The following CLVS1 variants were observed in gnomAD, a reference collection of about 807,000 sequenced individuals.
CLVS1 encodes the protein clavesin 1, also known as clavesin-1.
Under a neutral mutation model 33.1 loss-of-function variants are expected in CLVS1, and 10 were observed. The observed-to-expected ratio is 0.30, with a 90% confidence interval of 0.19 to 0.51. CLVS1 has a LOEUF of 0.51. Among genes scored for constraint, CLVS1 ranks in the 20% least tolerant of loss-of-function variants. The pLI is 0.97. For synonymous variants in CLVS1, 163 were observed against 166.1 expected (o/e 0.98, Z 0.14); for missense variants, 343 against 433.4 (o/e 0.79, Z 1.85).
At chr8:61,473,838 A>G (rs1390367973) in intron 5 of CLVS1, among the ~76,000 whole-genome samples, 1 of 152,222 alleles carries the variant, frequency 6.6e-6, no homozygotes. Context: ...TCCCAAGATA[A>G]GGAACTCTGG....
intron 1 of CLVS1, among the ~76,000 whole-genome samples, chr8:61,088,239 A>G (rs547733742): frequency 1.3e-5 from 2 of 152,336 alleles, no homozygotes; most frequent in African/African-American, 2.4e-5. Context: ...TTGTAATCCC[A>G]GTACTTTGGG....
At chr8:60,993,109 G>T in the CLVS1 span, among the ~76,000 whole-genome samples, 1 of 152,248 alleles carries the variant, frequency 6.6e-6, no homozygotes, top group Non-Finnish European at 1.5e-5. Context: ...AGTGGGGCTT[G>T]TTCTTGCTTT....
intron 2 of CLVS1, among the ~76,000 whole-genome samples, chr8:61,268,645 T>C (rs1809364138): frequency 7.6e-6 from 1 of 132,438 alleles, no homozygotes; most frequent in Admixed American, 7.8e-5. Context: ...AGTGTAAAAG[T>C]GTTCCTATTT....
the CLVS1 span, among the ~76,000 whole-genome samples, chr8:61,043,583 G>A: frequency 2.9e-4 from 44 of 152,340 alleles, 1 homozygote; most frequent in South Asian, 7.9e-3. Context: ...TCTGGCAAAT[G>A]CATTCTTTCC....
At chr8:61,006,688 G>T in the CLVS1 span, among the ~76,000 whole-genome samples, 1 of 152,076 alleles carries the variant, frequency 6.6e-6, no homozygotes, top group Admixed American at 6.5e-5. Context: ...GGATATTTTT[G>T]TCGGTGTCTA....
At chr8:61,239,055 C>T (rs1808633674) in intron 2 of CLVS1, among the ~76,000 whole-genome samples, 2 of 152,194 alleles carry the variant, frequency 1.3e-5, no homozygotes, top group South Asian at 4.1e-4. Flanking sequence ...CAGCATTTTA[C>T]CTTTGCCACT....
chr8:61,189,026 A>G (rs1807403769), intron 2 of CLVS1, among the ~76,000 whole-genome samples: 2 of 152,092 alleles, frequency 1.3e-5, no homozygotes, highest in Admixed American at 6.6e-5. Context: ...AATAGAGACA[A>G]AGAAACATAC....
intron 2 of CLVS1, among the ~76,000 whole-genome samples, chr8:61,198,541 G>C (rs1025370964): frequency 6.6e-6 from 1 of 152,104 alleles, no homozygotes; most frequent in Non-Finnish European, 1.5e-5. Flanking sequence ...CACCATGCCT[G>C]TCTAATTTTT....
chr8:61,049,455 G>T, the CLVS1 span, among the ~76,000 whole-genome samples: 2 of 152,276 alleles, frequency 1.3e-5, no homozygotes, highest in East Asian at 1.9e-4. Flanking sequence ...TAGGGTGTTT[G>T]TTCCAATGAT....
chr8:61,161,851 G>A (rs770531067), intron 2 of CLVS1, among the ~76,000 whole-genome samples: 2 of 152,096 alleles, frequency 1.3e-5, no homozygotes, highest in Non-Finnish European at 1.5e-5. Context: ...AGCTTAATAA[G>A]CATTTTTAAA....
At chr8:61,425,044 T>C (rs1188810886) in intron 3 of CLVS1, among the ~76,000 whole-genome samples, 1 of 152,162 alleles carries the variant, frequency 6.6e-6, no homozygotes. Flanking sequence ...TTCCAAAATT[T>C]GAAAAGATTT....
chr8:61,350,939 G>T (rs1250378000), intron 2 of CLVS1, among the ~76,000 whole-genome samples: 7 of 152,090 alleles, frequency 4.6e-5, no homozygotes, highest in Non-Finnish European at 8.8e-5. Flanking sequence ...TGGGGTGTAT[G>T]GAAGGTTGGT....
chr8:61,015,650 T>C, the CLVS1 span, among the ~76,000 whole-genome samples: 4 of 152,142 alleles, frequency 2.6e-5, no homozygotes, highest in Non-Finnish European at 4.4e-5. Flanking sequence ...GTGAGTCAAA[T>C]TGAGAAAGCA....
chr8:61,199,594 G>T (rs148480548), intron 2 of CLVS1, among the ~76,000 whole-genome samples: 2,057 of 152,258 alleles, frequency 0.014, 19 homozygotes, highest in Middle Eastern at 0.031. Context: ...CCAAAAATCA[G>T]AAAACAATAG....
chr8:61,013,974 A>T, the CLVS1 span, among the ~76,000 whole-genome samples: 1 of 152,110 alleles, frequency 6.6e-6, no homozygotes, highest in African/African-American at 2.4e-5. Flanking sequence ...GTCAGTTCTG[A>T]TGACAGCAAA....
intron 2 of CLVS1, among the ~76,000 whole-genome samples, chr8:61,248,879 G>T (rs1808875125): frequency 6.6e-6 from 1 of 152,010 alleles, no homozygotes; most frequent in Non-Finnish European, 1.5e-5. Flanking sequence ...TACATATGAG[G>T]TTAATGAGGG....
At chr8:61,403,605 G>A (rs1814856941) in intron 3 of CLVS1, among the ~76,000 whole-genome samples, 1 of 152,184 alleles carries the variant, frequency 6.6e-6, no homozygotes, top group Non-Finnish European at 1.5e-5. Flanking sequence ...TTAAAAATGA[G>A]AGGAGCTGAA....
chr8:61,224,369 T>C (rs1808284652), intron 2 of CLVS1, among the ~76,000 whole-genome samples: 2 of 152,172 alleles, frequency 1.3e-5, no homozygotes, highest in Non-Finnish European at 2.9e-5. Context: ...CCTTTTGTTG[T>C]TGTTGATGCT....
At chr8:61,181,129 G>A (rs541454623) in intron 2 of CLVS1, among the ~76,000 whole-genome samples, 101 of 152,136 alleles carry the variant, frequency 6.6e-4, no homozygotes, top group Middle Eastern at 3.4e-3. Flanking sequence ...AAGCAACTTC[G>A]GCAAAGTCTC....
Sources: gnomAD v4.1 joint callset for allele counts (sites outside exome capture counted in the v4.1 genomes callset) on GRCh38, gnomAD v4.1.1 for gene constraint, MANE v1.5 for transcripts, NCBI Gene and HGNC (gene_info 2026-07-23, HGNC 2026-07-21) for gene names.